SLIT2: variants seen among roughly 807,000 people sequenced by gnomAD.
The protein encoded by SLIT2 is slit guidance ligand 2.
Under a neutral mutation model 185.7 loss-of-function variants are expected in SLIT2, and 41 were observed. The observed-to-expected ratio is 0.22, with a 90% confidence interval of 0.17 to 0.29. SLIT2 has a LOEUF of 0.29. Ranked by LOEUF, SLIT2 falls within the 10% of genes least tolerant of loss-of-function variation. The probability of loss-of-function intolerance (pLI) is 1.00; values close to 1 mark genes in which losing one functional copy is unlikely to be tolerated. For missense variants in SLIT2, 1,571 were observed against 1,909.0 expected (o/e 0.82, Z 3.30); for synonymous variants, 693 against 680.2 (o/e 1.02, Z -0.29).
chr4:20,530,367 G>A (rs533428881), intron 16 of SLIT2, among the ~76,000 whole-genome samples: 9 of 151,816 alleles, frequency 5.9e-5, no homozygotes, highest in South Asian at 4.2e-4. Flanking sequence ...CCTCCTGGGC[G>A]CAAGGGATCC....
intron 9 of SLIT2, among the ~76,000 whole-genome samples, chr4:20,498,935 T>C (rs540087): frequency 0.42 from 63,673 of 152,064 alleles, 14,161 homozygotes; most frequent in Middle Eastern, 0.59. Flanking sequence ...TACCCAGTAG[T>C]AGGATTGATA....
At chr4:20,537,723 A>C (rs1172228005) in intron 18 of SLIT2, among the ~76,000 whole-genome samples, 3 of 152,128 alleles carry the variant, frequency 2.0e-5, no homozygotes, top group Non-Finnish European at 4.4e-5. Context: ...ATCCTAGAAT[A>C]GTTTTATCTG....
chr4:20,469,337 A>C (rs1013392636), intron 5 of SLIT2, among the ~76,000 whole-genome samples: 20 of 152,142 alleles, frequency 1.3e-4, no homozygotes, highest in African/African-American at 4.3e-4. Context: ...GGTGGCTTTT[A>C]ATCTTCTTAG....
chr4:20,401,451 T>C (rs1213955769), intron 4 of SLIT2, among the ~76,000 whole-genome samples: 1 of 151,820 alleles, frequency 6.6e-6, no homozygotes, highest in East Asian at 1.9e-4. Context: ...GTGAATGATA[T>C]TTTGCATCAT....
At chr4:20,303,793 C>G (rs906853393) in intron 4 of SLIT2, among the ~76,000 whole-genome samples, 12 of 152,126 alleles carry the variant, frequency 7.9e-5, no homozygotes, top group African/African-American at 2.9e-4. Flanking sequence ...ATTATATGCA[C>G]TGGGAGCTTA....
chr4:20,518,499 G>T (rs1200551722), intron 11 of SLIT2, among the ~76,000 whole-genome samples: 4 of 118,154 alleles, frequency 3.4e-5, no homozygotes, highest in African/African-American at 1.3e-4. Flanking sequence ...TGATCCGCCG[G>T]CCTCGGCCTC....
intron 4 of SLIT2, among the ~76,000 whole-genome samples, chr4:20,460,265 C>T (rs1284351041): frequency 6.6e-6 from 1 of 151,884 alleles, no homozygotes; most frequent in Non-Finnish European, 1.5e-5. Context: ...AGTTAACATC[C>T]CTGCCTTTGT....
chr4:20,580,016 AT>A (rs1182858528), intron 29 of SLIT2, among the ~76,000 whole-genome samples: 2 of 143,782 alleles, frequency 1.4e-5, no homozygotes, highest in African/African-American at 5.1e-5. Context: ...TATATAATAT[AT>A]TATTATATAT....
chr4:20,296,580 A>G (rs1056445624), intron 4 of SLIT2, among the ~76,000 whole-genome samples: 4 of 152,320 alleles, frequency 2.6e-5, no homozygotes, highest in Admixed American at 1.3e-4. Flanking sequence ...ATGTTGGACT[A>G]TAGATACTAC....
At chr4:20,452,565 C>T (rs1014115222) in intron 4 of SLIT2, among the ~76,000 whole-genome samples, 16 of 152,022 alleles carry the variant, frequency 1.1e-4, no homozygotes, top group African/African-American at 3.9e-4. Context: ...CCTCTTATTC[C>T]GTTCCTCTCT....
At chr4:20,371,662 A>G (rs992624512) in intron 4 of SLIT2, among the ~76,000 whole-genome samples, 2 of 152,044 alleles carry the variant, frequency 1.3e-5, no homozygotes, top group African/African-American at 4.8e-5. Flanking sequence ...GTGCATGGTT[A>G]TGCCACCCGA....
chr4:20,338,652 G>A (rs1560330948), intron 4 of SLIT2, among the ~76,000 whole-genome samples: 1 of 152,182 alleles, frequency 6.6e-6, no homozygotes, highest in South Asian at 2.1e-4. Context: ...GGGCTCATGA[G>A]TCTACTGTCA....
intron 4 of SLIT2, among the ~76,000 whole-genome samples, chr4:20,417,415 A>G (rs1030075782): frequency 8.6e-6 from 1 of 115,944 alleles, no homozygotes; most frequent in African/African-American, 3.0e-5. Flanking sequence ...GCTTCCCGCA[A>G]TCATATATAT....
At chr4:20,587,105 G>C (rs774117416) in intron 29 of SLIT2, among the ~76,000 whole-genome samples, 1 of 150,694 alleles carries the variant, frequency 6.6e-6, no homozygotes, top group Non-Finnish European at 1.5e-5. Context: ...GGCAACCTCC[G>C]CCTCCTGGGT....
At chr4:20,513,431 G>A (rs906866493) in intron 11 of SLIT2, among the ~76,000 whole-genome samples, 1 of 152,136 alleles carries the variant, frequency 6.6e-6, no homozygotes, top group African/African-American at 2.4e-5. Flanking sequence ...CAAAGATTAA[G>A]TTATTTTCCC....
intron 21 of SLIT2, 37 bp from the exon 22 acceptor site, chr4:20,545,994 A>G: frequency 5.0e-6 from 6 of 1,192,566 alleles, no homozygotes. Context: ...GGCCACCATT[A>G]CTTTGTAAGA....
At chr4:20,255,049 C>T (rs375475953) in intron 1 of SLIT2, 2 of 456,208 alleles carry the variant, frequency 4.4e-6, no homozygotes, top group African/African-American at 2.0e-5. Flanking sequence ...CCGAGGCCGC[C>T]GCCCCGCGCC....
intron 4 of SLIT2, among the ~76,000 whole-genome samples, chr4:20,321,128 AAAAAC>A (rs1165292463): frequency 2.0e-5 from 3 of 152,172 alleles, no homozygotes; most frequent in Non-Finnish European, 2.9e-5. Flanking sequence ...CTCTGTCTCA[AAAAAC>A]AAAACAAAAC....
Position 20,252,515 on chromosome 4 carries a change from G to A in SLIT2, c.-1301G>A, listed in dbSNP as rs996045555. ...GGGTACCGCCACTGTGGCCTTGGGGGACGGAATTCAAAGCCTGGGAAAAGT... is the reference window on the plus strand; with the variant it reads ...GGGTACCGCCACTGTGGCCTTGGGGAACGGAATTCAAAGCCTGGGAAAAGT... On this transcript the variant is annotated 5_prime_UTR_variant, in exon 1 of 37. Transcript: ENST00000504154. Among the ~76,000 whole-genome samples, 1 of 152,126 alleles carries A rather than the reference G, an allele frequency of 6.6e-6. No individual in the cohort carries two copies. The highest frequency in any genetic ancestry group is 1.5e-5 in the Non-Finnish European group (1 of 68,020).
Sources: allele counts gnomAD v4.1 joint callset (sites outside exome capture counted in the v4.1 genomes callset), GRCh38; gene constraint gnomAD v4.1.1; transcripts MANE v1.5; gene names NCBI Gene and HGNC (gene_info 2026-07-23, HGNC 2026-07-21).